Variants in RAD54L2 observed in about 807,000 individuals in gnomAD.
RAD54L2 encodes helicase ARIP4.
Under a neutral mutation model 138.4 loss-of-function variants are expected in RAD54L2, and 27 were observed. The observed-to-expected ratio is 0.20, with a 90% CI of 0.14 to 0.27. The LOEUF is 0.27. Ranked by LOEUF, RAD54L2 falls within the 10% of genes least tolerant of loss-of-function variation. The probability of loss-of-function intolerance (pLI) is 1.00; values close to 1 mark genes in which losing one functional copy is unlikely to be tolerated. For synonymous variants in RAD54L2, 644 were observed against 723.2 expected (o/e 0.89, Z 1.76); for missense variants, 1,396 against 1,890.2 (o/e 0.74, Z 4.85).
rs1332616561 is a variant in RAD54L2, at chr3:51,657,658, G to A, written c.3305G>A (p.Arg1102His). 5 of 1,570,278 alleles carry A rather than the reference G, an allele frequency of 3.2e-6. No individual in the cohort carries two copies. The highest frequency in any genetic ancestry group is 1.2e-5 in the South Asian group (1 of 85,628). Residue 1102 changes from arginine (R) to histidine (H), a missense_variant, in exon 21 of 23, where the codon CGT becomes CAT. This residue lies in a region of RAD54L2 where 634 missense variants were observed against 711.2 expected (regional missense o/e 0.89). Coordinates refer to ENST00000684192, the MANE Select transcript of RAD54L2 (RefSeq NM_015106.4). ...GCTGGTGAGAGCATCCACATCATCCGTGGGACAAAAGGTAAGAGCCTGACC... is the reference window on the plus strand; with the variant it reads ...GCTGGTGAGAGCATCCACATCATCCATGGGACAAAAGGTAAGAGCCTGACC... ...INAGESIHII[R>H]GTKGTYIRTS...
At chr3:51,626,359 C>A (rs1435113185) in intron 3 of RAD54L2, among the ~76,000 whole-genome samples, 1 of 150,000 alleles carries the variant, frequency 6.7e-6, no homozygotes, top group East Asian at 2.0e-4. Flanking sequence ...GGGGTATGCA[C>A]ATGGATCCGC....
chr3:51,604,169 G>T (rs1047984484), intron 3 of RAD54L2, among the ~76,000 whole-genome samples: 4 of 152,114 alleles, frequency 2.6e-5, no homozygotes, highest in African/African-American at 9.7e-5. Flanking sequence ...CATGGTATTT[G>T]GACTGATAAA....
intron 3 of RAD54L2, among the ~76,000 whole-genome samples, chr3:51,626,405 T>C (rs1700683942): frequency 7.3e-6 from 1 of 137,172 alleles, no homozygotes; most frequent in Non-Finnish European, 1.6e-5. Context: ...TATTGGATGT[T>C]ACAAATGACA....
Position 51,645,911 on chromosome 3 carries a change from C to A in RAD54L2, c.2829+148C>A. ...TTCTTTTTCTTGCCCCACTCAGTCC[C>A]CCTCCCTTCCCACAACCACTTACCC... On this transcript the variant is annotated intron_variant, in intron 18 of 22. Transcript: ENST00000684192. The surrounding 1 kb of genome is among the most constrained non-coding windows in gnomAD (Gnocchi z 6.1). The A allele has an allele frequency of 1.2e-6, 1 of 863,670 alleles. No homozygotes were observed. The highest frequency in any genetic ancestry group is 1.7e-6 in the Non-Finnish European group (1 of 572,064). 53.5% of individuals were successfully genotyped at this position (863,670 alleles called of 1,614,324 possible).
At chr3:51,610,083 C>T (rs919801076) in intron 3 of RAD54L2, among the ~76,000 whole-genome samples, 2 of 151,608 alleles carry the variant, frequency 1.3e-5, no homozygotes, top group African/African-American at 4.8e-5. Flanking sequence ...TTGCAGTGAG[C>T]CGAGATCGAG....
chr3:51,558,459 T>TTC (rs71633077), intron 2 of RAD54L2, among the ~76,000 whole-genome samples: 60 of 148,992 alleles, frequency 4.0e-4, no homozygotes, highest in Non-Finnish European at 4.6e-4. Flanking sequence ...GAAGGTCCAC[T>TTC]TCTCTCTCTC....
At chr3:51,566,468 T>G (rs1045675441) in intron 2 of RAD54L2, among the ~76,000 whole-genome samples, 76 of 119,282 alleles carry the variant, frequency 6.4e-4, no homozygotes, top group Admixed American at 2.1e-3. Flanking sequence ...TTTTCTGCGT[T>G]TTTTTTTTTT....
At chr3:51,564,407 A>G (rs1699166165) in intron 2 of RAD54L2, among the ~76,000 whole-genome samples, 1 of 152,206 alleles carries the variant, frequency 6.6e-6, no homozygotes, top group Admixed American at 6.5e-5. Flanking sequence ...GAATACATTA[A>G]ATTTGGAGTC....
chr3:51,621,625 C>G (rs1414341266), intron 3 of RAD54L2, among the ~76,000 whole-genome samples: 5 of 152,218 alleles, frequency 3.3e-5, no homozygotes, highest in African/African-American at 1.2e-4. Flanking sequence ...TTCAAACCCT[C>G]TGGACTTGCC....
In RAD54L2 at chr3:51,629,356, T is replaced by C. The variant is rs773765001; in HGVS notation, c.364T>C (p.Leu122=). Residue 122 remains leucine, a synonymous_variant, in exon 5 of 23, where the codon TTG becomes CTG. Transcript: ENST00000684192. ...TAGAAAGCTACTCCGGGAGGATCAA[T>C]TGGAGCCTGTTACCAAAGCAGCACA... ...NIRKLLREDQ[L]EPVTKAAQQE... is the part of the protein sequence containing the mutation. 1.5e-5 allele frequency: 24 copies of C among 1,593,940 alleles called. No homozygotes were observed. Among genetic ancestry groups the C allele is most frequent in the South Asian group, 5.7e-5 (5 of 87,638 alleles).
rs886815435 is a variant in RAD54L2, at chr3:51,634,110, CTT to C, written c.1142+77_1142+78del. The stretch of plus-strand genomic sequence containing the variant: ...CCGTGATCTGATGTTAAGGCAGTCT[CTT>C]TGAGTGTGTAGCCTGTGCATCTAGA... On this transcript the variant is annotated intron_variant, in intron 9 of 22. Coordinates refer to ENST00000684192, the MANE Select transcript of RAD54L2 (RefSeq NM_015106.4). 2.6e-6 allele frequency: 4 copies of C among 1,526,098 alleles called. No individual in the cohort carries two copies. In the Admixed American group the frequency reaches 5.6e-5, roughly 21 times the overall value. The allele number at this position is 1,526,098 out of a possible 1,614,324, so 94.5% of individuals were successfully genotyped here.
At chr3:51,550,327 G>A (rs975816659) in intron 2 of RAD54L2, among the ~76,000 whole-genome samples, 2 of 152,084 alleles carry the variant, frequency 1.3e-5, no homozygotes, top group Admixed American at 6.6e-5. Context: ...CCATACTTTC[G>A]TCATCCAGTC....
At chr3:51,618,805 A>C (rs893584703) in intron 3 of RAD54L2, among the ~76,000 whole-genome samples, 1 of 152,168 alleles carries the variant, frequency 6.6e-6, no homozygotes, top group African/African-American at 2.4e-5. Flanking sequence ...ACTTTTTTCC[A>C]TAGATAAATA....
intron 3 of RAD54L2, among the ~76,000 whole-genome samples, chr3:51,593,578 C>T (rs1277428513): frequency 2.0e-5 from 3 of 151,970 alleles, no homozygotes; most frequent in Admixed American, 2.0e-4. Flanking sequence ...GTGATCCGTC[C>T]GTCTCGGCCT....
chr3:51,645,223 A>G lies in RAD54L2; in HGVS notation c.2650A>G (p.Met884Val). ...IYDRQISKQG[M>V]SDRVVDDLNP... Reference sequence around the variant, plus strand: ...TGACCGTCAGATTTCCAAGCAGGGCATGTCAGGTGGGCCATCTTCCAGACT... The same window carrying G: ...TGACCGTCAGATTTCCAAGCAGGGCGTGTCAGGTGGGCCATCTTCCAGACT... Residue 884 changes from methionine (M) to valine (V), a missense_variant, in exon 17 of 23, where the codon ATG becomes GTG. This residue lies in a region of RAD54L2 where 78 missense variants were observed against 171.6 expected (regional missense o/e 0.45). Transcript: ENST00000684192. The surrounding 1 kb of genome is among the most constrained non-coding windows in gnomAD (Gnocchi z 6.1). 1 of 1,611,088 alleles carries G rather than the reference A, an allele frequency of 6.2e-7. No individual in the cohort carries two copies. The highest frequency in any genetic ancestry group is 2.2e-5 in the East Asian group (1 of 44,802).
chr3:51,556,392 G>T (rs1698965929), intron 2 of RAD54L2, among the ~76,000 whole-genome samples: 2 of 151,968 alleles, frequency 1.3e-5, no homozygotes, highest in Admixed American at 6.6e-5. Context: ...TCTTAGGCGG[G>T]TGCCACCATG....
intron 3 of RAD54L2, among the ~76,000 whole-genome samples, chr3:51,601,867 T>G (rs1473682152): frequency 6.6e-6 from 1 of 152,120 alleles, no homozygotes; most frequent in Non-Finnish European, 1.5e-5. Flanking sequence ...TTTTGTTGTT[T>G]TTTTTTTCGA....
In RAD54L2 at chr3:51,630,848, G is replaced by A. The variant is rs1262033188; in HGVS notation, c.742G>A (p.Val248Ile). ...AAACCAGCGTGACGCCCTTGGGCGG[G>A]TCCTTGTCAACCTAAACCACCCTCC... ...VLNQRDALGR[V>I]LVNLNHPPEE... The change falls in exon 7 of 23, where the codon GTC becomes ATC. Residue 248 changes from valine to isoleucine, a missense_variant. This residue lies in a region of RAD54L2 where 256 missense variants were observed against 344.6 expected (regional missense o/e 0.74). Transcript: ENST00000684192. 6.2e-7 allele frequency: 1 copy of A among 1,614,058 alleles called. No individual in the cohort carries two copies. Among genetic ancestry groups the A allele is most frequent in the Non-Finnish European group, 8.5e-7 (1 of 1,179,898 alleles).
intron 3 of RAD54L2, among the ~76,000 whole-genome samples, chr3:51,616,727 C>T (rs1700452014): frequency 6.6e-6 from 1 of 152,074 alleles, no homozygotes; most frequent in Non-Finnish European, 1.5e-5. Context: ...ACTTGGGAGG[C>T]TGAGGCAGGA....
Sources: allele counts gnomAD v4.1 joint callset (sites outside exome capture counted in the v4.1 genomes callset), GRCh38; gene constraint gnomAD v4.1.1; regional missense constraint gnomAD v4.1.1; non-coding constraint Gnocchi (gnomAD v3.1); transcripts MANE v1.5; gene names NCBI Gene and HGNC (gene_info 2026-07-23, HGNC 2026-07-21).